Variants in SETX observed in about 807,000 individuals in gnomAD.
SETX encodes the protein senataxin, also known as helicase senataxin.
In SETX, 90 loss-of-function variants were observed where a neutral mutation model predicts 227.2. The ratio of observed to expected loss-of-function variants is 0.40; its 90% CI spans 0.33 to 0.47. SETX has a LOEUF of 0.47. SETX is among the 20% of genes least tolerant of loss of function. SETX has a pLI of 0.91. For missense variants in SETX, 3,052 were observed against 3,181.5 expected (o/e 0.96, Z 0.98); for synonymous variants, 1,210 against 1,113.2 (o/e 1.09, Z -1.73).
At position 132,331,672 on chromosome 9, in the gene SETX, T is replaced by TAA. The variant is rs200362840; in HGVS notation, c.839-226_839-225dup. The stretch of plus-strand genomic sequence containing the variant: ...TGCAAGCAATACTATGATACGTCTG[T>TAA]AAAAAAAAAAAAAAATTTAGTGGCA... On this transcript the variant is annotated intron_variant, in intron 7 of 25. Transcript: ENST00000224140. 2.0e-3 allele frequency among the ~76,000 whole-genome samples: 284 copies of TAA among 140,940 alleles called. 2 individuals carry two copies. The highest frequency in any genetic ancestry group is 7.1e-3 in the Middle Eastern group (2 of 280). 92.5% of individuals were successfully genotyped at this position (140,940 alleles called of 152,430 possible). A position where few individuals can be genotyped will look rare whatever the true frequency, so the allele number is the denominator to read the frequency against.
At chr9:132,310,157 A>G (rs1173798765) in intron 11 of SETX, among the ~76,000 whole-genome samples, 1 of 152,234 alleles carries the variant, frequency 6.6e-6, no homozygotes, top group Admixed American at 6.5e-5. Context: ...GCTACTAAAT[A>G]TGTGAAAAGA....
At chr9:132,348,362 C>CA (rs1343590099) in intron 3 of SETX, among the ~76,000 whole-genome samples, 2,096 of 11,122 alleles carry the variant, frequency 0.19, 47 homozygotes, top group Non-Finnish European at 0.26. Context: ...GACTCTGTCT[C>CA]AAAAAAAAAA....
chr9:132,326,216 G>A (rs183599998), intron 10 of SETX, 108 bp downstream of exon 10: 10 of 883,028 alleles, frequency 1.1e-5, no homozygotes, highest in African/African-American at 1.7e-5. Flanking sequence ...ACAGGTGCCC[G>A]CAACCACGCC....
chr9:132,296,117 C>T, intron 14 of SETX, 89 bp from the exon 15 acceptor site: 1 of 1,484,112 alleles, frequency 6.7e-7, no homozygotes, highest in Non-Finnish European at 9.4e-7. Context: ...TCTTTACTTC[C>T]ATGTATTTTT....
chr9:132,341,073 G>A (rs1364621201), intron 5 of SETX, among the ~76,000 whole-genome samples: 3 of 152,024 alleles, frequency 2.0e-5, no homozygotes, highest in Non-Finnish European at 4.4e-5. Context: ...TCGGCTGGAC[G>A]TGGTGGCTCA....
intron 11 of SETX, among the ~76,000 whole-genome samples, chr9:132,301,842 A>G (rs1845015416): frequency 6.6e-6 from 1 of 152,214 alleles, no homozygotes; most frequent in African/African-American, 2.4e-5. Context: ...GTTGTAAACT[A>G]CATGGGACTA....
Position 132,265,002 on chromosome 9 carries a change from G to A in SETX, c.7288-17C>T. On this transcript the variant is annotated splice_polypyrimidine_tract_variant and intron_variant, in intron 25 of 25. Coordinates refer to ENST00000224140, the MANE Select transcript of SETX (RefSeq NM_015046.7). ...CTGGTTTTCCTTGAAACAATGAGAA[G>A]GGAGAAATAATTACACCCCAAAGAG... is the stretch of plus-strand genomic sequence containing the variant. 1.9e-6 allele frequency: 3 copies of A among 1,611,340 alleles called. No individual in the cohort carries two copies. In the Admixed American group the frequency reaches 5.0e-5, roughly 27 times the overall value.
intron 24 of SETX, among the ~76,000 whole-genome samples, chr9:132,270,865 G>A (rs1194316114): frequency 6.6e-6 from 1 of 152,160 alleles, no homozygotes; most frequent in African/African-American, 2.4e-5. Context: ...AAATTAGCTG[G>A]GAAAGAAAGG....
chr9:132,347,418 T>C (rs1346479433), intron 3 of SETX, among the ~76,000 whole-genome samples: 1 of 151,832 alleles, frequency 6.6e-6, no homozygotes, highest in Non-Finnish European at 1.5e-5. Flanking sequence ...GTTCAAGCGA[T>C]TCTCCTGCCT....
In SETX at chr9:132,331,105, T is replaced by C; in HGVS notation, c.1045A>G (p.Met349Val). 1 of 1,613,594 alleles carries C rather than the reference T, an allele frequency of 6.2e-7. No individual in the cohort carries two copies. ...KLEPESYLDD[M>V]VTCSQIVYNY... is the part of the protein sequence containing the mutation. Reference sequence around the variant, plus strand: ...TATACGATCTGGCTGCAAGTCACCATATCATCCAAATAGGACTCCGGTTCT... The same window carrying C: ...TATACGATCTGGCTGCAAGTCACCACATCATCCAAATAGGACTCCGGTTCT... Residue 349 changes from methionine (M) to valine (V), a missense_variant, in exon 9 of 26, where the codon ATG becomes GTG. By Grantham distance (21) the Met-to-Val change is conservative. Around this residue, in one of 10 missense-constraint regions of SETX, gnomAD observed 239 missense variants for 240.8 expected, o/e 0.99. Coordinates refer to ENST00000224140, the MANE Select transcript of SETX (RefSeq NM_015046.7).
chr9:132,282,587 G>A (rs1202545861), intron 19 of SETX, among the ~76,000 whole-genome samples: 2 of 152,062 alleles, frequency 1.3e-5, no homozygotes, highest in African/African-American at 2.4e-5. Flanking sequence ...ACCATGCCCA[G>A]GCCCTTTTCA....
intron 24 of SETX, 94 bp downstream of exon 24, chr9:132,271,616 G>T: frequency 9.8e-7 from 1 of 1,021,730 alleles, no homozygotes; most frequent in Non-Finnish European, 1.6e-6. Flanking sequence ...AAAAGCAAAT[G>T]GTGTTCTCTA....
intron 12 of SETX, among the ~76,000 whole-genome samples, chr9:132,298,675 G>C (rs1336160932): frequency 6.6e-6 from 1 of 152,166 alleles, no homozygotes; most frequent in Non-Finnish European, 1.5e-5. Context: ...ACTCAGCAGA[G>C]GGTAAATAGT....
chr9:132,352,534 C>T (rs1848656173), intron 2 of SETX, among the ~76,000 whole-genome samples: 1 of 152,110 alleles, frequency 6.6e-6, no homozygotes, highest in Admixed American at 6.6e-5. Flanking sequence ...TGAGGGATCA[C>T]GAGGTCAAGA....
Position 132,311,769 on chromosome 9 carries a change from A to T in SETX, c.5362T>A (p.Trp1788Arg). ...RKFPADYIKY[W>R]EFAVYLEECE... The stretch of plus-strand genomic sequence containing the variant: ...AGAAAAAACTTACCTGCAAACTCCC[A>T]GTATTTTATATAATCGGCAGGAAAT... Residue 1788 changes from tryptophan to arginine, a missense_variant, in exon 11 of 26, where the codon TGG (tryptophan) becomes AGG (arginine). Physicochemically the swap from Trp to Arg is moderately radical, Grantham distance 101. Transcript: ENST00000224140. 3.1e-6 allele frequency: 5 copies of T among 1,611,582 alleles called. No individual in the cohort carries two copies. The highest frequency in any genetic ancestry group is 4.2e-6 in the Non-Finnish European group (5 of 1,178,060).
chr9:132,271,868 A>G (rs1239950089), intron 23 of SETX, 60 bp from the exon 24 acceptor site: 1 of 1,441,060 alleles, frequency 6.9e-7, no homozygotes, highest in East Asian at 2.3e-5. Context: ...AAGTATACAT[A>G]TTTATAAACT....
Position 132,326,288 on chromosome 9 carries a change from AG to A in SETX, c.5274+35del, listed in dbSNP as rs754189323. On this transcript the variant is annotated intron_variant, in intron 10 of 25. Transcript: ENST00000224140. ...AGCAAGGTAAAGAGGTAACTTGAAAAGTTTGGAGAGGCATACAAATGAAACA... is the reference window on the plus strand; with the variant it reads ...AGCAAGGTAAAGAGGTAACTTGAAAATTTGGAGAGGCATACAAATGAAACA... The A allele has an allele frequency of 2.2e-5, 33 of 1,467,506 alleles. No individual in the cohort carries two copies. In the South Asian group the frequency reaches 3.7e-4, roughly 16 times the overall value. 90.9% of individuals were successfully genotyped at this position (1,467,506 alleles called of 1,614,324 possible).
In SETX at chr9:132,315,720, G is replaced by GTT. The variant is rs757927956; in HGVS notation, c.5275-3865_5275-3864insAA. Among the ~76,000 whole-genome samples the GTT allele has an allele frequency of 5.8e-4, 88 of 152,220 alleles. 1 individual carries two copies. The highest frequency in any genetic ancestry group is 1.1e-3 in the Non-Finnish European group (72 of 68,012). On this transcript the variant is annotated intron_variant, in intron 10 of 25. Coordinates refer to ENST00000224140, the MANE Select transcript of SETX (RefSeq NM_015046.7). Reference sequence around the variant, plus strand: ...AAATTGTCCACCCATCAAACTCAATGATGACCTCCTTGCTGTTATTCTTCC... The same window carrying GTT: ...AAATTGTCCACCCATCAAACTCAATGTTATGACCTCCTTGCTGTTATTCTTCC...
upstream of SETX, among the ~76,000 whole-genome samples, chr9:132,356,040 G>A (rs1176231197): frequency 2.0e-5 from 3 of 151,742 alleles, no homozygotes; most frequent in African/African-American, 7.3e-5. Context: ...AGCTTGTTGG[G>A]AGGCTGAGGC....
Sources: allele counts gnomAD v4.1 joint callset (sites outside exome capture counted in the v4.1 genomes callset), GRCh38; gene constraint gnomAD v4.1.1; regional missense constraint gnomAD v4.1.1; transcripts MANE v1.5; gene names NCBI Gene and HGNC (gene_info 2026-07-23, HGNC 2026-07-21).